Variants in ROBO1 observed in about 807,000 individuals in gnomAD.
ROBO1 encodes roundabout homolog 1.
In ROBO1, 149 loss-of-function variants were observed where a neutral mutation model predicts 195.9. The ratio of observed to expected loss-of-function variants is 0.76; its 90% CI spans 0.67 to 0.87. The LOEUF is 0.87. Among genes scored for constraint, ROBO1 ranks in the 40% least tolerant of loss-of-function variants. ROBO1 has a pLI of 0.00. For missense variants in ROBO1, 1,933 were observed against 2,068.3 expected, an observed-to-expected ratio of 0.93 and a Z score of 1.27; for synonymous variants, 816 against 733.2, an observed-to-expected ratio of 1.11 and a Z score of -1.82.
chr3:78,726,060 TA>T (rs1216183351), intron 5 of ROBO1, among the ~76,000 whole-genome samples: 1 of 152,126 alleles, frequency 6.6e-6, no homozygotes, highest in Non-Finnish European at 1.5e-5. Context: ...TTAATTACAT[TA>T]ACCTAATGTG....
At chr3:79,257,828 A>AT (rs2108930685) in intron 2 of ROBO1, among the ~76,000 whole-genome samples, 1 of 152,274 alleles carries the variant, frequency 6.6e-6, no homozygotes, top group South Asian at 2.1e-4. Flanking sequence ...TAGGATGATA[A>AT]TAAGAGTCAC....
At chr3:79,478,514 C>T (rs1215584336) in intron 2 of ROBO1, among the ~76,000 whole-genome samples, 3 of 151,680 alleles carry the variant, frequency 2.0e-5, no homozygotes, top group Non-Finnish European at 4.4e-5. Context: ...ATTTATATGT[C>T]GATTGTGCAT....
intron 3 of ROBO1, among the ~76,000 whole-genome samples, chr3:78,960,752 G>T (rs956555323): frequency 6.7e-6 from 1 of 149,204 alleles, no homozygotes; most frequent in Non-Finnish European, 1.5e-5. Context: ...TCTCCAGCCT[G>T]GGCAACGAAG....
chr3:79,022,817 C>T lies in ROBO1; in HGVS notation c.173-83890G>A, dbSNP rs143010952. On this transcript the variant is annotated intron_variant, in intron 3 of 30. Coordinates refer to ENST00000464233, the MANE Select transcript of ROBO1 (RefSeq NM_002941.4). ...AGGATCCCCAAAATTCAGGATCTCC[C>T]CTGAGAATTCTGAAGAAACCTGAAA... Among the ~76,000 whole-genome samples, 334 of 152,212 alleles carry T rather than the reference C, an allele frequency of 2.2e-3. 3 individuals carry two copies. The highest frequency in any genetic ancestry group is 7.5e-3 in the African/African-American group (310 of 41,530).
intron 3 of ROBO1, among the ~76,000 whole-genome samples, chr3:78,993,559 A>G (rs762806672): frequency 6.6e-6 from 1 of 152,164 alleles, no homozygotes; most frequent in Non-Finnish European, 1.5e-5. Flanking sequence ...CACTGTTGAC[A>G]CAAGGCTAAG....
chr3:79,687,568 C>T (rs1947162460), intron 1 of ROBO1, among the ~76,000 whole-genome samples: 1 of 152,058 alleles, frequency 6.6e-6, no homozygotes, highest in Admixed American at 6.6e-5. Context: ...AGGATATGAC[C>T]AGACACTTCT....
chr3:79,127,128 C>T lies in ROBO1; in HGVS notation c.89-1589G>A, dbSNP rs74947654. Among the ~76,000 whole-genome samples the T allele has an allele frequency of 4.6e-3, 703 of 152,186 alleles. 6 individuals are homozygous for T. The highest frequency in any genetic ancestry group is 0.016 in the African/African-American group (675 of 41,536). On this transcript the variant is annotated intron_variant, in intron 2 of 30. Transcript: ENST00000464233. The stretch of plus-strand genomic sequence containing the variant: ...CATTTTACCCTTAAAATAGATGCTG[C>T]AAGTGATAAGGCAGAAAAAGCGTCC...
intron 4 of ROBO1, among the ~76,000 whole-genome samples, chr3:78,764,379 C>T (rs954252242): frequency 1.3e-5 from 2 of 152,142 alleles, no homozygotes; most frequent in Non-Finnish European, 2.9e-5. Flanking sequence ...ATTTCATGAT[C>T]ATTACCCACT....
rs377492038 is a variant in ROBO1, at chr3:79,616,309, G to A, written c.-50-26348C>T. Among the ~76,000 whole-genome samples the A allele has an allele frequency of 3.9e-5, 6 of 152,240 alleles. No individual in the cohort carries two copies. In the East Asian group the frequency reaches 9.7e-4, roughly 25 times the overall value. On this transcript the variant is annotated intron_variant, in intron 1 of 30. Transcript: ENST00000464233. ...GTCTCCACATCACTAGGTGCTCCATGAATATTTCCTAGAGTGCACTTTGGA... is the reference window on the plus strand; with the variant it reads ...GTCTCCACATCACTAGGTGCTCCATAAATATTTCCTAGAGTGCACTTTGGA...
Position 78,823,357 on chromosome 3 carries a change from T to C in ROBO1, c.500-76457A>G, listed in dbSNP as rs79510027. 7.8e-4 allele frequency among the ~76,000 whole-genome samples: 119 copies of C among 152,258 alleles called. 2 individuals carry two copies. Among genetic ancestry groups the C allele is most frequent in the East Asian group, 6.6e-3 (34 of 5,184 alleles). Reference sequence around the variant, plus strand: ...TTCTCATTGGACAAGCAAATATCTGTAACATAATAGAGTACTCGAAACTTA... The same window carrying C: ...TTCTCATTGGACAAGCAAATATCTGCAACATAATAGAGTACTCGAAACTTA... On this transcript the variant is annotated intron_variant, in intron 4 of 30. Transcript: ENST00000464233.
At chr3:79,002,355 C>T (rs907389719) in intron 3 of ROBO1, among the ~76,000 whole-genome samples, 2 of 152,052 alleles carry the variant, frequency 1.3e-5, no homozygotes, top group African/African-American at 4.8e-5. Flanking sequence ...ACTTAATTAG[C>T]ATTAAGTATC....
intron 5 of ROBO1, among the ~76,000 whole-genome samples, chr3:78,733,252 C>T (rs2082321839): frequency 6.6e-6 from 1 of 151,958 alleles, no homozygotes; most frequent in African/African-American, 2.4e-5. Flanking sequence ...AATCTCAATC[C>T]CCTGTAAAGT....
chr3:79,735,779 G>T (rs551253705), intron 1 of ROBO1, among the ~76,000 whole-genome samples: 1 of 151,830 alleles, frequency 6.6e-6, no homozygotes. Flanking sequence ...GCTGAGGCAG[G>T]AGAATTGATT....
intron 4 of ROBO1, among the ~76,000 whole-genome samples, chr3:78,797,185 T>A (rs535814896): frequency 6.6e-6 from 1 of 152,306 alleles, no homozygotes; most frequent in South Asian, 2.1e-4. Flanking sequence ...CGTACCTGCA[T>A]GTTTAAATGA....
intron 2 of ROBO1, among the ~76,000 whole-genome samples, chr3:79,197,941 T>G (rs2081673419): frequency 6.6e-6 from 1 of 151,982 alleles, no homozygotes; most frequent in East Asian, 1.9e-4. Flanking sequence ...ATATTAGCCC[T>G]TTGTCAGATG....
intron 3 of ROBO1, among the ~76,000 whole-genome samples, chr3:79,033,458 T>C (rs2078330837): frequency 6.6e-6 from 1 of 152,102 alleles, no homozygotes; most frequent in East Asian, 1.9e-4. Flanking sequence ...AAAACCAACA[T>C]TGTTATATAA....
intron 2 of ROBO1, among the ~76,000 whole-genome samples, chr3:79,492,596 T>A (rs1033676880): frequency 6.6e-6 from 1 of 152,040 alleles, no homozygotes; most frequent in Non-Finnish European, 1.5e-5. Flanking sequence ...AAATGTATTA[T>A]GGGAATACTA....
chr3:78,910,458 T>A (rs566263555), intron 4 of ROBO1, among the ~76,000 whole-genome samples: 2 of 152,018 alleles, frequency 1.3e-5, no homozygotes, highest in South Asian at 4.1e-4. Context: ...CTGTTTCTAA[T>A]CCTACTAATA....
chr3:79,098,155 T>C (rs2079605954), intron 3 of ROBO1, among the ~76,000 whole-genome samples: 2 of 151,850 alleles, frequency 1.3e-5, no homozygotes, highest in Admixed American at 6.6e-5. Context: ...ATTTATAGGC[T>C]GAGGAATGAC....
Sources: gnomAD v4.1 joint callset for allele counts (sites outside exome capture counted in the v4.1 genomes callset) on GRCh38, gnomAD v4.1.1 for gene constraint, MANE v1.5 for transcripts, NCBI Gene and HGNC (gene_info 2026-07-23, HGNC 2026-07-21) for gene names.